Variants in MYO16 observed in about 807,000 individuals in gnomAD.
MYO16 encodes the protein unconventional myosin-XVI.
A neutral mutation model predicts 205.3 loss-of-function variants in MYO16; 94 were observed. That is an observed-to-expected ratio of 0.46 (90% CI 0.39 to 0.54). The LOEUF (loss-of-function observed/expected upper bound fraction) is 0.54. Among genes scored for constraint, MYO16 ranks in the 20% least tolerant of loss-of-function variants. The probability of loss-of-function intolerance (pLI) is 0.00; values close to 1 mark genes in which losing one functional copy is unlikely to be tolerated. For synonymous variants in MYO16, 988 were observed against 954.0 expected (o/e 1.04, Z -0.66); for missense variants, 2,315 against 2,387.5 (o/e 0.97, Z 0.63).
At chr13:108,626,169 A>T (rs2139343827), upstream of MYO16, among the ~76,000 whole-genome samples, 1 of 152,320 alleles carries the variant, frequency 6.6e-6, no homozygotes, top group East Asian at 1.9e-4. Context: ...AGAGAAAAAA[A>T]ATCATGTGTT....
At chr13:108,854,692 T>C (rs1361489665) in intron 10 of MYO16, among the ~76,000 whole-genome samples, 1 of 152,116 alleles carries the variant, frequency 6.6e-6, no homozygotes, top group Admixed American at 6.6e-5. Flanking sequence ...CCATATTACA[T>C]CAAATGACTA....
chr13:108,865,034 TGG>T (rs1878637398), intron 11 of MYO16, among the ~76,000 whole-genome samples: 1 of 152,204 alleles, frequency 6.6e-6, no homozygotes, highest in Non-Finnish European at 1.5e-5. Context: ...TTTAGTTTTC[TGG>T]TGGGTGACAT....
At chr13:108,521,316 C>T in the MYO16 span, among the ~76,000 whole-genome samples, 2 of 152,148 alleles carry the variant, frequency 1.3e-5, no homozygotes, top group Admixed American at 1.3e-4. Flanking sequence ...GCCTGAAAGA[C>T]AGATACAATT....
At chr13:109,078,307 C>T (rs573119041) in intron 27 of MYO16, among the ~76,000 whole-genome samples, 26 of 151,690 alleles carry the variant, frequency 1.7e-4, no homozygotes, top group Non-Finnish European at 3.1e-4. Context: ...GGCATGGTGG[C>T]GCACACCTGT....
At chr13:109,179,153 T>C (rs1347575526) in intron 33 of MYO16, among the ~76,000 whole-genome samples, 1 of 152,178 alleles carries the variant, frequency 6.6e-6, no homozygotes. Flanking sequence ...ATCCTATGAA[T>C]GGCAGCCACA....
At chr13:108,736,891 C>G (rs372607680) in intron 4 of MYO16, among the ~76,000 whole-genome samples, 1 of 152,106 alleles carries the variant, frequency 6.6e-6, no homozygotes, top group Non-Finnish European at 1.5e-5. Flanking sequence ...GTATTTTATT[C>G]TCTTTGAAGC....
intron 23 of MYO16, among the ~76,000 whole-genome samples, chr13:109,020,693 G>A (rs560526251): frequency 6.6e-6 from 1 of 152,080 alleles, no homozygotes; most frequent in Non-Finnish European, 1.5e-5. Flanking sequence ...TGTAGTTAAT[G>A]TCTTCCACTT....
At chr13:109,041,458 A>C (rs961460121) in intron 23 of MYO16, among the ~76,000 whole-genome samples, 7 of 152,194 alleles carry the variant, frequency 4.6e-5, no homozygotes, top group Non-Finnish European at 7.4e-5. Context: ...GGAGGAATTC[A>C]CCTTCTCCAT....
intron 27 of MYO16, among the ~76,000 whole-genome samples, chr13:109,062,376 T>C (rs951353648): frequency 8.5e-5 from 13 of 152,170 alleles, no homozygotes; most frequent in Non-Finnish European, 1.8e-4. Flanking sequence ...TTTAAAGTAA[T>C]ATTTCTGCAT....
intron 22 of MYO16, among the ~76,000 whole-genome samples, chr13:109,013,881 G>C (rs1037474500): frequency 6.6e-6 from 1 of 151,946 alleles, no homozygotes; most frequent in African/African-American, 2.4e-5. Flanking sequence ...TTGTCAGATG[G>C]GTAGATTGCA....
the MYO16 span, among the ~76,000 whole-genome samples, chr13:108,523,918 T>A: frequency 1.3e-5 from 2 of 152,216 alleles, no homozygotes; most frequent in East Asian, 3.8e-4. Context: ...ATCCTAGGCG[T>A]GGATTTCTCA....
chr13:108,964,947 A>G (rs377217270), intron 20 of MYO16, 45 bp downstream of exon 20: 15 of 1,590,366 alleles, frequency 9.4e-6, no homozygotes, highest in Non-Finnish European at 1.2e-5. Flanking sequence ...TACTGTAATA[A>G]ATAACTTAAA....
intron 4 of MYO16, among the ~76,000 whole-genome samples, chr13:108,754,515 CGTGT>C (rs10684656): frequency 2.7e-5 from 4 of 150,482 alleles, no homozygotes; most frequent in African/African-American, 9.8e-5. Flanking sequence ...CAGGTTTTGG[CGTGT>C]GTGTGTGTGT....
At chr13:109,139,835 T>C (rs540837279) in intron 31 of MYO16, among the ~76,000 whole-genome samples, 3 of 152,200 alleles carry the variant, frequency 2.0e-5, no homozygotes, top group East Asian at 3.9e-4. Flanking sequence ...TTATTATTAT[T>C]ATTATTTTAA....
At chr13:109,126,877 ACT>A (rs1430742724) in intron 30 of MYO16, among the ~76,000 whole-genome samples, 4 of 152,032 alleles carry the variant, frequency 2.6e-5, no homozygotes, top group South Asian at 4.1e-4. Context: ...TGCATCAGTA[ACT>A]CTCTATTAAG....
chr13:108,971,844 G>A (rs1282023691), intron 20 of MYO16, among the ~76,000 whole-genome samples: 1 of 151,968 alleles, frequency 6.6e-6, no homozygotes, highest in Non-Finnish European at 1.5e-5. Context: ...AAGGTTAAAT[G>A]AGGTGGTGCA....
At chr13:109,104,445 C>G (rs975574328) in intron 28 of MYO16, among the ~76,000 whole-genome samples, 2 of 151,486 alleles carry the variant, frequency 1.3e-5, no homozygotes, top group African/African-American at 2.4e-5. Context: ...CCCAAACTGT[C>G]AATCAAACTG....
At chr13:108,552,923 C>T in the MYO16 span, among the ~76,000 whole-genome samples, 1 of 150,794 alleles carries the variant, frequency 6.6e-6, no homozygotes, top group African/African-American at 2.4e-5. Context: ...CCTTTTAGAG[C>T]AGCACAAATC....
rs750431778 is a variant in MYO16, at chr13:109,089,983, C to T, written c.3336-10802C>T. On this transcript the variant is annotated intron_variant, in intron 27 of 34. Transcript: ENST00000457511. ...GCGAGGCAGCCCTTCCCTATGGTTC[C>T]AAGGAGGCTCTTGAGCCAAGAATTG... Among the ~76,000 whole-genome samples the T allele has an allele frequency of 3.9e-5, 6 of 152,310 alleles. No individual in the cohort carries two copies. In the South Asian group the frequency reaches 6.2e-4, roughly 16 times the overall value.
Sources: allele counts gnomAD v4.1 joint callset (sites outside exome capture counted in the v4.1 genomes callset), GRCh38; gene constraint gnomAD v4.1.1; transcripts MANE v1.5; gene names NCBI Gene and HGNC (gene_info 2026-07-23, HGNC 2026-07-21).